The following ALK variants were observed in gnomAD, a reference collection of about 807,000 sequenced individuals.
ALK encodes the protein ALK tyrosine kinase receptor.
In ALK, 74 loss-of-function variants were observed where a neutral mutation model predicts 163.1. The ratio of observed to expected loss-of-function variants is 0.45; its 90% CI spans 0.38 to 0.55. ALK has a LOEUF of 0.55. Ranked by LOEUF, ALK falls within the 20% of genes least tolerant of loss-of-function variation. The pLI, the probability that ALK is intolerant of heterozygous loss-of-function variation, is 0.00. For synonymous variants in ALK, 960 were observed against 843.2 expected (o/e 1.14, Z -2.40); for missense variants, 2,063 against 2,105.3 (o/e 0.98, Z 0.39).
chr2:29,850,961 C>T (rs562587881), intron 1 of ALK, among the ~76,000 whole-genome samples: 2 of 152,308 alleles, frequency 1.3e-5, no homozygotes, highest in Admixed American at 6.5e-5. Flanking sequence ...CCGGTGTGTG[C>T]GCCTTTGTCT....
At position 29,239,935 on chromosome 2, in the gene ALK, C is replaced by T; in HGVS notation, c.2205-105G>A. 3.0e-6 allele frequency: 4 copies of T among 1,348,242 alleles called. No individual in the cohort carries two copies. The South Asian group carries it at 5.5e-5, about 19-fold the overall frequency. The allele number at this position is 1,348,242 out of a possible 1,614,324, so 83.5% of individuals were successfully genotyped here. ...GGGCTAAGCACATCGCCATCGTGGT[C>T]TGAGGGTTCTCCCCCATATCAGTCC... On this transcript the variant is annotated intron_variant, in intron 12 of 28. Transcript: ENST00000389048.
chr2:29,342,222 G>A (rs1489649072), intron 5 of ALK, among the ~76,000 whole-genome samples: 1 of 152,354 alleles, frequency 6.6e-6, no homozygotes. Flanking sequence ...GTAAAATGGT[G>A]TGGCTGATAT....
At chr2:29,738,910 A>G (rs1332128589) in intron 1 of ALK, among the ~76,000 whole-genome samples, 1 of 152,046 alleles carries the variant, frequency 6.6e-6, no homozygotes, top group Non-Finnish European at 1.5e-5. Context: ...AGGATATCTG[A>G]TTTCAAAGAT....
At chr2:29,791,751 C>A (rs925427089) in intron 1 of ALK, among the ~76,000 whole-genome samples, 1 of 152,022 alleles carries the variant, frequency 6.6e-6, no homozygotes, top group African/African-American at 2.4e-5. Flanking sequence ...ATTCATCCAT[C>A]CATTTATTTA....
intron 5 of ALK, among the ~76,000 whole-genome samples, chr2:29,361,347 C>A (rs1365998666): frequency 6.6e-6 from 1 of 152,212 alleles, no homozygotes; most frequent in African/African-American, 2.4e-5. Context: ...AGATAATATT[C>A]CACATTCCAA....
At chr2:29,876,490 GTAGTGGTAA>G (rs1297489729) in intron 1 of ALK, among the ~76,000 whole-genome samples, 2 of 148,316 alleles carry the variant, frequency 1.3e-5, no homozygotes, top group African/African-American at 2.5e-5. Context: ...GATGGTGATG[GTAGTGGTAA>G]TGGTGGTAAT....
intron 3 of ALK, among the ~76,000 whole-genome samples, chr2:29,548,607 A>C (rs1319622614): frequency 6.6e-6 from 1 of 152,126 alleles, no homozygotes; most frequent in Non-Finnish European, 1.5e-5. Context: ...AAGTCATCGC[A>C]GCGAAGGCTT....
At chr2:29,550,229 A>G (rs558227357) in intron 3 of ALK, among the ~76,000 whole-genome samples, 26 of 152,202 alleles carry the variant, frequency 1.7e-4, no homozygotes, top group Non-Finnish European at 3.5e-4. Context: ...AGGTAGTTAT[A>G]TGATTATTAA....
intron 5 of ALK, among the ~76,000 whole-genome samples, chr2:29,347,922 T>A (rs778316284): frequency 1.3e-5 from 2 of 152,236 alleles, no homozygotes; most frequent in African/African-American, 2.4e-5. Flanking sequence ...TAGAGCTTGA[T>A]AATTTGCATT....
Position 29,484,654 on chromosome 2 carries a change from T to C in ALK, c.1154+47261A>G, listed in dbSNP as rs145644068. Among the ~76,000 whole-genome samples, 885 of 152,330 alleles carry C rather than the reference T, an allele frequency of 5.8e-3. 11 individuals carry two copies. Among genetic ancestry groups the C allele is most frequent in the African/African-American group, 0.02 (844 of 41,572 alleles). ...GTGCTACCTATTGTACCTTGTTTTA[T>C]ATACCCTCCCTTTAAATTTGTTTTC... On this transcript the variant is annotated intron_variant, in intron 4 of 28. Transcript: ENST00000389048.
intron 3 of ALK, among the ~76,000 whole-genome samples, chr2:29,532,398 C>A (rs1673146205): frequency 6.6e-6 from 1 of 152,174 alleles, no homozygotes. Context: ...GTCCTAGAGC[C>A]TTCGATTTTT....
intron 11 of ALK, among the ~76,000 whole-genome samples, chr2:29,263,197 T>C (rs772973707): frequency 8.3e-4 from 127 of 152,242 alleles, no homozygotes; most frequent in Non-Finnish European, 1.6e-3. Context: ...TCCATTCTTG[T>C]CTGCGGATAG....
At chr2:29,295,099 A>G (rs1243539019) in intron 9 of ALK, among the ~76,000 whole-genome samples, 1 of 152,204 alleles carries the variant, frequency 6.6e-6, no homozygotes, top group East Asian at 1.9e-4. Context: ...TTATTAGGTC[A>G]CAAGGCATCA....
At chr2:29,274,391 A>G (rs78046790) in intron 11 of ALK, among the ~76,000 whole-genome samples, 8,127 of 152,332 alleles carry the variant, frequency 0.053, 254 homozygotes, top group Middle Eastern at 0.078. Flanking sequence ...ATAGCAGAAG[A>G]CACCTCACAG....
intron 1 of ALK, among the ~76,000 whole-genome samples, chr2:29,787,125 A>G (rs1664055906): frequency 6.6e-6 from 1 of 152,216 alleles, no homozygotes; most frequent in Non-Finnish European, 1.5e-5. Flanking sequence ...AGGGAATGGA[A>G]GCCCCCTCAA....
At chr2:29,581,241 A>G (rs1276350267) in intron 3 of ALK, among the ~76,000 whole-genome samples, 1 of 152,098 alleles carries the variant, frequency 6.6e-6, no homozygotes, top group Non-Finnish European at 1.5e-5. Context: ...TACAAAAATT[A>G]GCTTGGTGTG....
chr2:29,541,430 T>G (rs1186452407), intron 3 of ALK, among the ~76,000 whole-genome samples: 1 of 152,134 alleles, frequency 6.6e-6, no homozygotes, highest in Non-Finnish European at 1.5e-5. Context: ...GTAGGTGGGA[T>G]TACAGGCTCA....
At chr2:29,730,785 C>T (rs1679721923) in intron 1 of ALK, among the ~76,000 whole-genome samples, 1 of 152,182 alleles carries the variant, frequency 6.6e-6, no homozygotes, top group Non-Finnish European at 1.5e-5. Flanking sequence ...GGCCTAGCCT[C>T]CCAGTGTGCT....
chr2:29,297,744 C>A (rs1292745261), intron 8 of ALK, among the ~76,000 whole-genome samples: 1 of 152,134 alleles, frequency 6.6e-6, no homozygotes, highest in Non-Finnish European at 1.5e-5. Flanking sequence ...TGGCATTGTT[C>A]CTAAACATTT....
Sources: allele counts gnomAD v4.1 joint callset (sites outside exome capture counted in the v4.1 genomes callset), GRCh38; gene constraint gnomAD v4.1.1; transcripts MANE v1.5; gene names NCBI Gene and HGNC (gene_info 2026-07-23, HGNC 2026-07-21).